The following AP5Z1 variants were observed in gnomAD, a reference collection of about 807,000 sequenced individuals.
The protein encoded by AP5Z1 is AP-5 complex subunit zeta-1.
AP5Z1 carries 106 observed loss-of-function variants against 83.0 expected under a neutral mutation model. The observed-to-expected ratio is 1.28, with a 90% CI of 1.09 to 1.50. The LOEUF is 1.50. Ranked by LOEUF, AP5Z1 falls within the 40% of genes most tolerant of loss-of-function variation. The probability of loss-of-function intolerance (pLI) is 0.00; values close to 1 mark genes in which losing one functional copy is unlikely to be tolerated. For synonymous variants in AP5Z1, 751 were observed against 514.1 expected (o/e 1.46, Z -6.23); for missense variants, 1,565 against 1,094.2 (o/e 1.43, Z -6.07).
At position 4,775,657 on chromosome 7, in the gene AP5Z1, T is replaced by C. The variant is rs959070520; in HGVS notation, c.-59T>C. 3 of 1,600,942 alleles carry C rather than the reference T, an allele frequency of 1.9e-6. No homozygotes were observed. The highest frequency in any genetic ancestry group is 1.3e-5 in the African/African-American group (1 of 74,844). ...CCGGAAGTTGACCGGGGTGCGGAGC[T>C]CCTGGGCTGCAGCTCCTGGAGTTTC... On this transcript the variant is annotated 5_prime_UTR_variant, in exon 1 of 17. Transcript: ENST00000649063.
At chr7:4,788,486 C>G in intron 12 of AP5Z1, 192 bp downstream of exon 12, 1 of 688,804 alleles carries the variant, frequency 1.5e-6, no homozygotes, top group Non-Finnish European at 2.3e-6. Flanking sequence ...GGGGCCTGGT[C>G]TCAGCTCTCT....
At chr7:4,790,365 C>G (rs759816827) in intron 14 of AP5Z1, 94 bp from the exon 15 acceptor site, 164 of 1,585,274 alleles carry the variant, frequency 1.0e-4, no homozygotes, top group Non-Finnish European at 1.3e-4. Context: ...ACCTACCACT[C>G]AGACGCTTCC....
chr7:4,784,762 GGTGGAC>G, intron 6 of AP5Z1, 140 bp from the exon 7 acceptor site: 1 of 1,139,810 alleles, frequency 8.8e-7, no homozygotes, highest in Non-Finnish European at 1.2e-6. Flanking sequence ...CTGCCGGGTG[GGTGGAC>G]GTCCTGAGAC....
intron 13 of AP5Z1, 185 bp downstream of exon 13, chr7:4,789,136 C>T (rs1583239114): frequency 1.8e-6 from 1 of 569,414 alleles, no homozygotes; most frequent in East Asian, 3.0e-5. Flanking sequence ...TCCCTTGTCC[C>T]ATCCCCTTTA....
rs935411706 is a variant in AP5Z1 at position 4,788,021 on chromosome 7, C to T, written c.1455-133C>T. On this transcript the variant is annotated intron_variant, in intron 11 of 16. Transcript: ENST00000649063. ...CCGTCTTCACGCCCAGGCCTGGAGC[C>T]TCCCATGCCAAGCCCTTCCTGGCAC... 7.3e-6 allele frequency: 10 copies of T among 1,365,354 alleles called. No homozygotes were observed. In the African/African-American group the frequency reaches 1.2e-4, roughly 16 times the overall value. The allele number at this position is 1,365,354 out of a possible 1,614,324, so 84.6% of individuals were successfully genotyped here.
At position 4,793,179 on chromosome 7, in the gene AP5Z1, C is replaced by G. The variant is rs186935731; in HGVS notation, c.*1794C>G. On this transcript the variant is annotated 3_prime_UTR_variant, in exon 17 of 17. Coordinates refer to ENST00000649063, the MANE Select transcript of AP5Z1 (RefSeq NM_014855.3). ...GCCACAGGGCCTCGGAGGGCATGAC[C>G]CCAGCCCAGGGAGGAGCAACCTTCA... is the stretch of plus-strand genomic sequence containing the variant. 1 of 152,262 alleles carries G rather than the reference C, an allele frequency of 6.6e-6. No homozygotes were observed. The highest frequency in any genetic ancestry group is 1.5e-5 in the Non-Finnish European group (1 of 68,078). 9.4% of individuals were successfully genotyped at this position (152,262 alleles called of 1,614,324 possible). A position where few individuals can be genotyped will look rare whatever the true frequency, so the allele number is the denominator to read the frequency against.
At position 4,788,206 on chromosome 7, in the gene AP5Z1, C is replaced by T. The variant is rs769179576; in HGVS notation, c.1507C>T (p.Pro503Ser). The T allele has an allele frequency of 9.6e-6, 15 of 1,564,340 alleles. No individual in the cohort carries two copies. The highest frequency in any genetic ancestry group is 2.7e-5 in the African/African-American group (2 of 73,716). Residue 503 changes from proline (P) to serine (S), a missense_variant, in exon 12 of 17, where the codon CCC becomes TCC. Pro to Ser is a moderately conservative substitution (Grantham distance 74). Transcript: ENST00000649063. ...RPLWDTSLRA[P>S]SCLEAFRDPQ... is the part of the protein sequence containing the mutation. ...ACTCTGGGACACCTCTCTCAGGGCC[C>T]CCAGCTGCCTGGAGGCCTTCCGGGA...
intron 11 of AP5Z1, 33 bp from the exon 12 acceptor site, chr7:4,788,121 T>C (rs1041808221): frequency 1.1e-5 from 16 of 1,497,912 alleles, no homozygotes; most frequent in Non-Finnish European, 1.4e-5. Flanking sequence ...AGGGGCCGCA[T>C]CCCAGCCTGG....
intron 9 of AP5Z1, 22 bp downstream of exon 9, chr7:4,785,706 G>A (rs959878874): frequency 6.0e-5 from 89 of 1,472,406 alleles, no homozygotes; most frequent in Middle Eastern, 3.7e-4. Flanking sequence ...GTGGGGTGGC[G>A]CTGACTCGGG....
rs369408425 is a variant in AP5Z1, at chr7:4,782,886, C to A, written c.367-430C>A. 1.0e-3 allele frequency among the ~76,000 whole-genome samples: 154 copies of A among 152,346 alleles called. 2 individuals carry two copies. The highest frequency in any genetic ancestry group is 3.1e-3 in the African/African-American group (128 of 41,596). ...TCCCAGCCACCCAGCCGCCCTCCTC[C>A]CTGCCCTGACGGCCCTGCCCCTGTG... On this transcript the variant is annotated intron_variant, in intron 3 of 16. Transcript: ENST00000649063.
intron 11 of AP5Z1, 54 bp from the exon 12 acceptor site, chr7:4,788,100 C>G (rs1781614261): frequency 6.8e-7 from 1 of 1,467,144 alleles, no homozygotes; most frequent in Non-Finnish European, 9.1e-7. Flanking sequence ...GACGGGGGTG[C>G]CCTTGAGTGC....
At position 4,791,138 on chromosome 7, in the gene AP5Z1, T is replaced by C. The variant is rs760261418; in HGVS notation, c.2177T>C (p.Met726Thr). 3 of 1,606,010 alleles carry C rather than the reference T, an allele frequency of 1.9e-6. No individual in the cohort carries two copies. The highest frequency in any genetic ancestry group is 2.6e-6 in the Non-Finnish European group (3 of 1,176,078). The change falls in exon 17 of 17, where the codon ATG becomes ACG. Residue 726 changes from methionine to threonine, a missense_variant. By Grantham distance (81) the Met-to-Thr change is moderately conservative. Coordinates refer to ENST00000649063, the MANE Select transcript of AP5Z1 (RefSeq NM_014855.3). ...IPRASLLLSKMRTLAHSPATS... is the reference protein window; with the variant it reads ...IPRASLLLSKTRTLAHSPATS... ...AGGGCCTCTTTATTGCTGTCAAAGA[T>C]GAGGACCCTGGCTCACAGTCCAGCC...
intron 13 of AP5Z1, 22 bp downstream of exon 13, chr7:4,788,973 C>G (rs753533070): frequency 9.6e-5 from 154 of 1,599,354 alleles, no homozygotes; most frequent in Non-Finnish European, 1.1e-4. Flanking sequence ...GCCTGGGGCC[C>G]CCCATTCCCA....
rs116494599 is a variant in AP5Z1, at chr7:4,783,006, C to G, written c.367-310C>G. On this transcript the variant is annotated intron_variant, in intron 3 of 16. Transcript: ENST00000649063. ...ACTGGGATCCACACTGGAGGCCCCG[C>G]AGGACGGGGTGTCCTGTGTCTGCGG... 0.018 allele frequency among the ~76,000 whole-genome samples: 2,705 copies of G among 152,318 alleles called. 71 individuals carry two copies. The highest frequency in any genetic ancestry group is 0.061 in the African/African-American group (2,546 of 41,580).
chr7:4,784,983 C>G lies in AP5Z1; in HGVS notation c.866C>G (p.Pro289Arg). ...ATSSAGRLLP[P>R]RERLREVAFE... The stretch of plus-strand genomic sequence containing the variant: ...TCCTCTGCCGGCCGCCTGCTGCCGC[C>G]CCGGGAGCGGCTTCGGGAGGTGGCC... The change falls in exon 7 of 17, where the codon CCC (proline) becomes CGC (arginine). Residue 289 changes from proline to arginine, a missense_variant. Physicochemically the swap from Pro to Arg is moderately radical, Grantham distance 103 (BLOSUM62 -2). Transcript: ENST00000649063. 6.2e-7 allele frequency: 1 copy of G among 1,612,206 alleles called. No homozygotes were observed. Among genetic ancestry groups the G allele is most frequent in the Non-Finnish European group, 8.5e-7 (1 of 1,179,496 alleles).
intron 1 of AP5Z1, among the ~76,000 whole-genome samples, chr7:4,776,816 G>GTT (rs1186856242): frequency 6.6e-6 from 1 of 152,162 alleles, no homozygotes; most frequent in East Asian, 1.9e-4. Context: ...GGTGAGGTGA[G>GTT]AGGCCGAAGC....
At chr7:4,790,244 A>G (rs759481454) in intron 14 of AP5Z1, 1 of 1,546,282 alleles carries the variant, frequency 6.5e-7, no homozygotes, top group Non-Finnish European at 8.7e-7. Context: ...TCCTGGTTCC[A>G]CTCTGAGCCT....
At chr7:4,783,089 CA>C (rs953179273) in intron 3 of AP5Z1, among the ~76,000 whole-genome samples, 3 of 152,234 alleles carry the variant, frequency 2.0e-5, no homozygotes, top group African/African-American at 7.2e-5. Flanking sequence ...TGCCCTCACC[CA>C]GGCCCCCTCC....
chr7:4,791,147 T>A lies in AP5Z1; in HGVS notation c.2186T>A (p.Leu729Gln). ...TTATTGCTGTCAAAGATGAGGACCC[T>A]GGCTCACAGTCCAGCCACCAGCTCC... is the stretch of plus-strand genomic sequence containing the variant. The part of the protein sequence containing the change: ...ASLLLSKMRT[L>Q]AHSPATSSTH... Residue 729 changes from leucine (L) to glutamine (Q), a missense_variant, in exon 17 of 17, where the codon CTG (leucine) becomes CAG (glutamine). Physicochemically the swap from Leu to Gln is moderately radical, Grantham distance 113. Coordinates refer to ENST00000649063, the MANE Select transcript of AP5Z1 (RefSeq NM_014855.3). The A allele has an allele frequency of 1.9e-6, 3 of 1,608,428 alleles. No homozygotes were observed. Among genetic ancestry groups the A allele is most frequent in the Non-Finnish European group, 2.5e-6 (3 of 1,177,434 alleles).
Sources: allele counts gnomAD v4.1 joint callset (sites outside exome capture counted in the v4.1 genomes callset), GRCh38; gene constraint gnomAD v4.1.1; transcripts MANE v1.5; gene names NCBI Gene and HGNC (gene_info 2026-07-23, HGNC 2026-07-21).